Variants in TMEM232 observed in about 807,000 individuals in gnomAD.
The protein encoded by TMEM232 is transmembrane protein 232.
TMEM232 carries 80 observed loss-of-function variants against 78.8 expected under a neutral mutation model. The ratio of observed to expected loss-of-function variants is 1.01; its 90% CI spans 0.85 to 1.22. TMEM232 has a LOEUF of 1.22. TMEM232 is among the 50% of genes most tolerant of loss of function. The probability of loss-of-function intolerance (pLI) is 0.00; values close to 1 mark genes in which losing one functional copy is unlikely to be tolerated. For synonymous variants in TMEM232, 297 were observed against 254.3 expected (o/e 1.17, Z -1.60); for missense variants, 881 against 742.2 (o/e 1.19, Z -2.17).
At chr5:110,660,983 C>G (rs1435428584) in intron 2 of TMEM232, among the ~76,000 whole-genome samples, 1 of 152,152 alleles carries the variant, frequency 6.6e-6, no homozygotes, top group Non-Finnish European at 1.5e-5. Context: ...CTCTCTTCTT[C>G]CCCACTTCTT....
At chr5:110,727,575 C>A (rs996540724), upstream of TMEM232, among the ~76,000 whole-genome samples, 1 of 152,158 alleles carries the variant, frequency 6.6e-6, no homozygotes, top group South Asian at 2.1e-4. Flanking sequence ...TGCCACTGCA[C>A]CCCAGCCTGG....
chr5:110,681,869 T>C (rs1407241735), intron 1 of TMEM232, among the ~76,000 whole-genome samples: 1 of 152,192 alleles, frequency 6.6e-6, no homozygotes, highest in Non-Finnish European at 1.5e-5. Flanking sequence ...TCATTCCTTC[T>C]CGGGAGAGTT....
intron 8 of TMEM232, among the ~76,000 whole-genome samples, chr5:110,613,118 T>C (rs1382836270): frequency 6.6e-6 from 1 of 152,168 alleles, no homozygotes; most frequent in Admixed American, 6.6e-5. Context: ...CAGTGTATTC[T>C]TTCCCCAGTT....
At chr5:110,560,976 G>T (rs527350478) in intron 11 of TMEM232, among the ~76,000 whole-genome samples, 5 of 152,210 alleles carry the variant, frequency 3.3e-5, no homozygotes, top group African/African-American at 1.2e-4. Context: ...CTTATAGAGT[G>T]CCATAGGTAC....
intron 1 of TMEM232, among the ~76,000 whole-genome samples, chr5:110,721,172 C>G (rs921916992): frequency 2.0e-5 from 3 of 151,996 alleles, no homozygotes; most frequent in African/African-American, 7.3e-5. Flanking sequence ...TGAATAACCT[C>G]CTGAATGTAA....
chr5:110,403,970 T>A (rs1344019934), intron 2 of TMEM232, among the ~76,000 whole-genome samples: 1 of 151,990 alleles, frequency 6.6e-6, no homozygotes, highest in Non-Finnish European at 1.5e-5. Context: ...ATCAAAATGG[T>A]GATGTGGGTG....
chr5:110,596,678 G>T (rs1780209145), intron 10 of TMEM232, among the ~76,000 whole-genome samples: 2 of 152,104 alleles, frequency 1.3e-5, no homozygotes, highest in Admixed American at 1.3e-4. Flanking sequence ...GATCAAGTGG[G>T]CTTCATCCCT....
chr5:110,491,708 A>C (rs897022734), intron 12 of TMEM232, among the ~76,000 whole-genome samples: 8 of 151,990 alleles, frequency 5.3e-5, no homozygotes, highest in African/African-American at 1.9e-4. Flanking sequence ...GGAGGTTGTA[A>C]AAGTGAGAGC....
downstream of TMEM232, among the ~76,000 whole-genome samples, chr5:110,418,964 C>T (rs775929100): frequency 3.3e-5 from 5 of 152,006 alleles, no homozygotes; most frequent in African/African-American, 7.2e-5. Flanking sequence ...ATTAGAAGGA[C>T]GTTCAGAGTT....
chr5:110,584,290 T>C (rs1778550252), intron 10 of TMEM232, among the ~76,000 whole-genome samples: 1 of 151,814 alleles, frequency 6.6e-6, no homozygotes, highest in South Asian at 2.1e-4. Flanking sequence ...AAATGTCATA[T>C]ATATATAAAA....
At chr5:110,394,896 C>T (rs1755328410) in intron 3 of TMEM232, among the ~76,000 whole-genome samples, 1 of 152,094 alleles carries the variant, frequency 6.6e-6, no homozygotes, top group African/African-American at 2.4e-5. Flanking sequence ...CTCTTGCTCC[C>T]CTTCAAGCAG....
At chr5:110,434,245 G>A (rs1257241198) in intron 12 of TMEM232, among the ~76,000 whole-genome samples, 1 of 149,540 alleles carries the variant, frequency 6.7e-6, no homozygotes, top group Admixed American at 6.7e-5. Context: ...AGAAAACAGA[G>A]AAGATTCAAA....
chr5:110,724,177 T>C (rs935066199), intron 1 of TMEM232, among the ~76,000 whole-genome samples: 2 of 152,172 alleles, frequency 1.3e-5, no homozygotes, highest in African/African-American at 4.8e-5. Flanking sequence ...GTTTGCAAAG[T>C]ACTTTCACAT....
At chr5:110,394,669 C>T (rs1316424981) in intron 3 of TMEM232, among the ~76,000 whole-genome samples, 1 of 152,104 alleles carries the variant, frequency 6.6e-6, no homozygotes, top group Non-Finnish European at 1.5e-5. Flanking sequence ...TTTTCATTTC[C>T]TATTTTATCT....
At chr5:110,591,231 G>A (rs544958104) in intron 10 of TMEM232, among the ~76,000 whole-genome samples, 2 of 152,250 alleles carry the variant, frequency 1.3e-5, no homozygotes, top group South Asian at 4.1e-4. Flanking sequence ...GCCCAAGTGA[G>A]TGGATCACTT....
At chr5:110,475,438 T>C (rs1051138641) in intron 12 of TMEM232, among the ~76,000 whole-genome samples, 2 of 135,942 alleles carry the variant, frequency 1.5e-5, no homozygotes, top group Admixed American at 1.7e-4. Context: ...TTTCTATTTA[T>C]ACTTTGATTT....
chr5:110,488,276 C>T (rs1764679452), intron 12 of TMEM232, among the ~76,000 whole-genome samples: 1 of 151,894 alleles, frequency 6.6e-6, no homozygotes, highest in Non-Finnish European at 1.5e-5. Flanking sequence ...AGTGGGCTAT[C>T]AATTTTATTT....
chr5:110,445,480 G>A (rs371260628), intron 12 of TMEM232, among the ~76,000 whole-genome samples: 1 of 152,044 alleles, frequency 6.6e-6, no homozygotes, highest in East Asian at 1.9e-4. Context: ...AAGTCAATTG[G>A]AGTCTATGGG....
chr5:110,533,387 CA>C (rs1561643861), intron 11 of TMEM232, among the ~76,000 whole-genome samples: 2 of 152,206 alleles, frequency 1.3e-5, no homozygotes, highest in Non-Finnish European at 2.9e-5. Context: ...ATAGTTACTG[CA>C]GTCAGAATTC....
Sources: gnomAD v4.1 joint callset for allele counts (sites outside exome capture counted in the v4.1 genomes callset) on GRCh38, gnomAD v4.1.1 for gene constraint, MANE v1.5 for transcripts, NCBI Gene and HGNC (gene_info 2026-07-23, HGNC 2026-07-21) for gene names.